The following TRRAP variants were observed in gnomAD, a reference collection of about 807,000 sequenced individuals.
TRRAP encodes transformation/transcription domain associated protein.
In TRRAP, 41 loss-of-function variants were observed where a neutral mutation model predicts 438.8. That is an observed-to-expected ratio of 0.09 (90% confidence interval 0.07 to 0.12). The LOEUF is 0.12. TRRAP is among the 10% of genes least tolerant of loss of function. The pLI is 1.00. For missense variants in TRRAP, 3,122 were observed against 5,055.1 expected, an observed-to-expected ratio of 0.62 and a Z score of 11.60; for synonymous variants, 1,994 against 1,962.9, an observed-to-expected ratio of 1.02 and a Z score of -0.42.
Position 98,953,211 on chromosome 7 carries a change from G to A in TRRAP, c.5508G>A (p.Arg1836=). ...AGGCGGACATGCTGGACTCGCTGCG[G>A]ATCTACCTGCTGCAGTACGCCACGC... is the stretch of plus-strand genomic sequence containing the variant. ...EKQADMLDSL[R]IYLLQYATLL... is the part of the protein sequence containing the mutation. The change falls in exon 40 of 73, where the codon CGG becomes CGA. Residue 1836 remains arginine, a synonymous_variant. Coordinates refer to ENST00000456197, the MANE Select transcript of TRRAP (RefSeq NM_001375524.1). The A allele has an allele frequency of 6.2e-7, 1 of 1,613,248 alleles. No individual in the cohort carries two copies. Among genetic ancestry groups the A allele is most frequent in the East Asian group, 2.2e-5 (1 of 44,848 alleles).
At chr7:98,927,098 A>G (rs1790082760) in intron 22 of TRRAP, 69 bp from the exon 23 acceptor site, 1 of 1,551,140 alleles carries the variant, frequency 6.4e-7, no homozygotes, top group South Asian at 1.1e-5. Context: ...AAATTTGAAA[A>G]GAAGTCCTAG....
chr7:98,985,730 T>A (rs1461950129), intron 62 of TRRAP, among the ~76,000 whole-genome samples: 2 of 152,274 alleles, frequency 1.3e-5, no homozygotes, highest in Non-Finnish European at 2.9e-5. Flanking sequence ...CATGTTTAGC[T>A]TATTTTTAAA....
rs766730631 is a variant in TRRAP at position 99,008,390 on chromosome 7, G to A, written c.10767G>A (p.Val3589=). 6.2e-6 allele frequency: 10 copies of A among 1,614,008 alleles called. No individual in the cohort carries two copies. Among genetic ancestry groups the A allele is most frequent in the South Asian group, 1.1e-5 (1 of 91,086 alleles). Reference sequence around the variant, plus strand: ...CTCTCTCCCCAGTGCCCCGGGTTGTGGCAGTTTCCCCACAGATGCGCCTCG... The same window carrying A: ...CTCTCTCCCCAGTGCCCCGGGTTGTAGCAGTTTCCCCACAGATGCGCCTCG... ...RHLFFTVPRV[V]AVSPQMRLVE... The change falls in exon 70 of 73, where the codon GTG becomes GTA. Residue 3589 remains valine (V), a synonymous_variant. Coordinates refer to ENST00000456197, the MANE Select transcript of TRRAP (RefSeq NM_001375524.1).
intron 49 of TRRAP, among the ~76,000 whole-genome samples, chr7:98,966,378 C>G (rs1792159582): frequency 6.6e-6 from 1 of 151,936 alleles, no homozygotes; most frequent in Non-Finnish European, 1.5e-5. Flanking sequence ...AGTTGCTCAT[C>G]TTAATGTGGC....
intron 67 of TRRAP, among the ~76,000 whole-genome samples, chr7:99,000,547 C>T (rs1793871421): frequency 6.6e-6 from 1 of 152,290 alleles, no homozygotes; most frequent in Non-Finnish European, 1.5e-5. Flanking sequence ...ACTCTGCGCA[C>T]TCCAGCCTTG....
rs1422842490 is a variant in TRRAP at position 98,910,530 on chromosome 7, A to G, written c.1735A>G (p.Lys579Glu). 6.2e-7 allele frequency: 1 copy of G among 1,613,974 alleles called. No individual in the cohort carries two copies. Among genetic ancestry groups the G allele is most frequent in the Non-Finnish European group, 8.5e-7 (1 of 1,180,022 alleles). The change falls in exon 16 of 73, where the codon AAG becomes GAG. Residue 579 changes from lysine to glutamate, a missense_variant. Coordinates refer to ENST00000456197, the MANE Select transcript of TRRAP (RefSeq NM_001375524.1). ...TCCAGAAGCTCAGTTCATTCCCAAC[A>G]AGCAGTTACAACCCAAAGAGACACA... ...APGEAQFIPN[K>E]QLQPKETQIY...
intron 59 of TRRAP, among the ~76,000 whole-genome samples, chr7:98,982,656 G>T (rs1251198636): frequency 6.6e-6 from 1 of 152,186 alleles, no homozygotes; most frequent in Admixed American, 6.5e-5. Flanking sequence ...TGAGGATTGT[G>T]GCCAGGGCCT....
In TRRAP at chr7:98,988,478, AC is replaced by A. The variant is rs1269540423; in HGVS notation, c.9390-286del. Among the ~76,000 whole-genome samples the A allele has an allele frequency of 3.3e-5, 5 of 152,356 alleles. No homozygotes were observed. In the East Asian group the frequency reaches 7.7e-4, roughly 23 times the overall value. On this transcript the variant is annotated intron_variant, in intron 62 of 72. Transcript: ENST00000456197. ...GCTTCAACATGGATAAACCTCGAAA[AC>A]ACTGTGCTAGGTGAAAGAAGCCAGA...
At position 99,011,471 on chromosome 7, in the gene TRRAP, T is replaced by C; in HGVS notation, c.11273T>C (p.Val3758Ala). ...TCTGAGTTTCTGACCACCATCGGGG[T>C]CTCCGGCCCGTTGACAGCGTCCATG... is the stretch of plus-strand genomic sequence containing the variant. The part of the protein sequence containing the change: ...NISEFLTTIG[V>A]SGPLTASMIA... Residue 3758 changes from valine (V) to alanine (A), a missense_variant, in exon 72 of 73, where the codon GTC becomes GCC. By Grantham distance (64) the Val-to-Ala change is moderately conservative. Around this residue, in one of 24 missense-constraint regions of TRRAP, gnomAD observed 192 missense variants for 355.6 expected, o/e 0.54. Transcript: ENST00000456197. This position sits in a 1 kb window ranked among gnomAD's most constrained non-coding sequence, Gnocchi z 7.1. The C allele has an allele frequency of 6.2e-7, 1 of 1,614,212 alleles. No individual in the cohort carries two copies. The highest frequency in any genetic ancestry group is 8.5e-7 in the Non-Finnish European group (1 of 1,180,046).
intron 67 of TRRAP, among the ~76,000 whole-genome samples, chr7:98,997,620 T>C (rs1793731743): frequency 1.3e-5 from 2 of 150,510 alleles, no homozygotes; most frequent in African/African-American, 4.9e-5. Context: ...AAAATGCAGA[T>C]AATTCAGGAA....
intron 44 of TRRAP, 98 bp downstream of exon 44, chr7:98,958,189 TACAG>T (rs1554420317): frequency 4.7e-6 from 5 of 1,060,192 alleles, no homozygotes. Flanking sequence ...TCAAAAAAGA[TACAG>T]ACAAACCAAG....
At chr7:98,981,236 A>G (rs778948433) in intron 58 of TRRAP, among the ~76,000 whole-genome samples, 4 of 152,050 alleles carry the variant, frequency 2.6e-5, no homozygotes, top group Non-Finnish European at 4.4e-5. Flanking sequence ...ACCCATCTCT[A>G]CTAAAAACAC....
rs1410784815 is a variant in TRRAP, at chr7:98,962,577, C to A, written c.6829+150C>A. On this transcript the variant is annotated intron_variant, in intron 47 of 72. Transcript: ENST00000456197. ...TCAGGTGTCTGTTGCCTGGGGCCCT[C>A]AAGGCCGCCGTCTCCTGTAGACTGC... 3.2e-5 allele frequency: 46 copies of A among 1,432,044 alleles called. 1 individual carries two copies. Among genetic ancestry groups the A allele is most frequent in the Non-Finnish European group, 4.4e-5 (46 of 1,045,946 alleles). 88.7% of individuals were successfully genotyped at this position (1,432,044 alleles called of 1,614,324 possible). A position where few individuals can be genotyped will look rare whatever the true frequency, so the allele number is the denominator to read the frequency against.
chr7:98,960,547 TAC>T (rs917023020), intron 45 of TRRAP, among the ~76,000 whole-genome samples: 57 of 152,212 alleles, frequency 3.7e-4, no homozygotes, highest in Admixed American at 1.2e-3. Context: ...GATTCCATGA[TAC>T]ATAGTTTGAA....
At chr7:98,912,254 T>G in intron 18 of TRRAP, 41 bp downstream of exon 18, 1 of 1,591,112 alleles carries the variant, frequency 6.3e-7, no homozygotes, top group Non-Finnish European at 8.6e-7. Flanking sequence ...TGTTCAGGGT[T>G]TTTTATTGTT....
At chr7:98,999,081 T>C in intron 67 of TRRAP, 1 of 1,193,538 alleles carries the variant, frequency 8.4e-7, no homozygotes, top group Non-Finnish European at 1.2e-6. Flanking sequence ...AGAACTCTGC[T>C]TCCGCTGGCT....
intron 67 of TRRAP, among the ~76,000 whole-genome samples, chr7:98,995,258 A>G (rs1487568943): frequency 6.6e-6 from 1 of 151,866 alleles, no homozygotes; most frequent in African/African-American, 2.4e-5. Context: ...GTGAGCCGGT[A>G]GGAGATGGCA....
chr7:98,904,675 C>T (rs1270696982), intron 12 of TRRAP, among the ~76,000 whole-genome samples: 7 of 152,004 alleles, frequency 4.6e-5, no homozygotes, highest in Admixed American at 3.9e-4. Flanking sequence ...TTTCGGGGTT[C>T]AGCTTTTAGT....
intron 64 of TRRAP, 75 bp downstream of exon 64, chr7:98,990,694 A>G: frequency 6.6e-7 from 1 of 1,508,406 alleles, no homozygotes; most frequent in Non-Finnish European, 9.0e-7. Flanking sequence ...TTTCTCCCAG[A>G]AAGTAAATTT....
Sources: allele counts gnomAD v4.1 joint callset (sites outside exome capture counted in the v4.1 genomes callset), GRCh38; gene constraint gnomAD v4.1.1; regional missense constraint gnomAD v4.1.1; non-coding constraint Gnocchi (gnomAD v3.1); transcripts MANE v1.5; gene names NCBI Gene and HGNC (gene_info 2026-07-23, HGNC 2026-07-21).